NFIB: variants seen among roughly 807,000 people sequenced by gnomAD.
NFIB encodes the protein nuclear factor I B.
In NFIB, 11 loss-of-function variants were observed where a neutral mutation model predicts 61.5. The ratio of observed to expected loss-of-function variants is 0.18; its 90% CI spans 0.11 to 0.30. The LOEUF (loss-of-function observed/expected upper bound fraction) is 0.30, where lower values mean the gene tolerates loss of function less well. Among genes scored for constraint, NFIB ranks in the 10% least tolerant of loss-of-function variants. The pLI, the probability that NFIB is intolerant of heterozygous loss-of-function variation, is 1.00. For synonymous variants in NFIB, 260 were observed against 216.5 expected (o/e 1.20, Z -1.76); for missense variants, 471 against 608.9 (o/e 0.77, Z 2.38).
At chr9:14,467,298 G>A in the NFIB span, among the ~76,000 whole-genome samples, 3 of 152,186 alleles carry the variant, frequency 2.0e-5, no homozygotes, top group Non-Finnish European at 4.4e-5. Context: ...ACTGAGAGCT[G>A]TTCCTCTTCC....
intron 6 of NFIB, among the ~76,000 whole-genome samples, chr9:14,138,838 GTTTA>G (rs1030706485): frequency 6.6e-6 from 1 of 151,952 alleles, no homozygotes; most frequent in African/African-American, 2.4e-5. Context: ...CATATCTTCA[GTTTA>G]TTTTAGTTGA....
At chr9:14,186,392 C>T (rs13287487) in intron 2 of NFIB, among the ~76,000 whole-genome samples, 119,490 of 152,022 alleles carry the variant, frequency 0.79, 47,790 homozygotes, top group Non-Finnish European at 0.85. Flanking sequence ...TTTTAAGGCT[C>T]AGAACAGTCT....
the NFIB span, among the ~76,000 whole-genome samples, chr9:14,526,356 T>C: frequency 2.0e-5 from 3 of 152,202 alleles, no homozygotes; most frequent in Non-Finnish European, 4.4e-5. Flanking sequence ...GTTGAAATAA[T>C]AATAATGATC....
the NFIB span, among the ~76,000 whole-genome samples, chr9:14,404,594 G>C: frequency 1.3e-5 from 2 of 152,154 alleles, no homozygotes; most frequent in African/African-American, 4.8e-5. Context: ...AGTTACGATT[G>C]AGGGCAGAGT....
At chr9:14,187,029 G>GTA (rs1358725430) in intron 2 of NFIB, among the ~76,000 whole-genome samples, 8 of 57,496 alleles carry the variant, frequency 1.4e-4, no homozygotes, top group African/African-American at 7.1e-4. Context: ...GTGTGTGTAT[G>GTA]TGTGTGTGTG....
intron 2 of NFIB, among the ~76,000 whole-genome samples, 179 bp downstream of exon 2, chr9:14,306,810 T>C (rs1413897555): frequency 6.6e-6 from 1 of 152,176 alleles, no homozygotes; most frequent in African/African-American, 2.4e-5. Context: ...TCTGTGTCTA[T>C]TTACATGGCT....
the NFIB span, among the ~76,000 whole-genome samples, chr9:14,528,445 G>C: frequency 6.6e-6 from 1 of 152,086 alleles, no homozygotes; most frequent in Non-Finnish European, 1.5e-5. Context: ...AATAACCTTG[G>C]ATAACAGAGG....
chr9:14,090,192 G>A (rs185676279), intron 10 of NFIB, among the ~76,000 whole-genome samples: 28 of 152,126 alleles, frequency 1.8e-4, no homozygotes, highest in Non-Finnish European at 2.6e-4. Flanking sequence ...GATCTACTTA[G>A]CATTAACAAA....
intron 2 of NFIB, among the ~76,000 whole-genome samples, chr9:14,279,151 T>C (rs528885623): frequency 2.0e-5 from 3 of 152,210 alleles, no homozygotes; most frequent in East Asian, 3.9e-4. Flanking sequence ...CAGGAGTGAT[T>C]GTTAACAATG....
chr9:14,366,180 C>T (rs1358834763), intron 1 of NFIB, among the ~76,000 whole-genome samples: 1 of 152,156 alleles, frequency 6.6e-6, no homozygotes, highest in African/African-American at 2.4e-5. Context: ...CTTTAGGCCC[C>T]TGAATCTGGG....
At chr9:14,197,561 C>G (rs1406928800) in intron 2 of NFIB, among the ~76,000 whole-genome samples, 1 of 152,188 alleles carries the variant, frequency 6.6e-6, no homozygotes, top group African/African-American at 2.4e-5. Flanking sequence ...TTCCTTATTA[C>G]TATTTATAAA....
At chr9:14,127,911 A>T (rs2039882317) in intron 6 of NFIB, among the ~76,000 whole-genome samples, 1 of 148,694 alleles carries the variant, frequency 6.7e-6, no homozygotes, top group Non-Finnish European at 1.5e-5. Context: ...GAGTCAGAGA[A>T]CCATTTCTGT....
intron 1 of NFIB, among the ~76,000 whole-genome samples, chr9:14,346,108 G>T (rs943980514): frequency 1.3e-5 from 2 of 152,178 alleles, no homozygotes; most frequent in Non-Finnish European, 1.5e-5. Flanking sequence ...TAAGCCACGG[G>T]AAGGGGGGCG....
upstream of NFIB, among the ~76,000 whole-genome samples, chr9:14,316,659 T>A (rs2060548716): frequency 6.6e-6 from 1 of 152,128 alleles, no homozygotes. Context: ...TTAGGCAACC[T>A]CATCTTAGAT....
chr9:14,171,631 A>T (rs2045575621), intron 3 of NFIB, among the ~76,000 whole-genome samples: 1 of 152,150 alleles, frequency 6.6e-6, no homozygotes, highest in South Asian at 2.1e-4. Flanking sequence ...ATCATGAGCA[A>T]CTCTAACCAA....
At chr9:14,399,188 T>C (rs1211066527), upstream of NFIB, among the ~76,000 whole-genome samples, 1 of 152,238 alleles carries the variant, frequency 6.6e-6, no homozygotes, top group African/African-American at 2.4e-5. Flanking sequence ...TAATTTTACC[T>C]TTTCACTTTT....
chr9:14,295,352 G>A (rs971137986), intron 2 of NFIB, among the ~76,000 whole-genome samples: 7 of 152,152 alleles, frequency 4.6e-5, no homozygotes, highest in South Asian at 2.1e-4. Flanking sequence ...TTGGCCGGGC[G>A]CGGTGGCTCA....
intron 1 of NFIB, among the ~76,000 whole-genome samples, chr9:14,353,115 T>C (rs1350625343): frequency 6.6e-6 from 1 of 152,072 alleles, no homozygotes; most frequent in African/African-American, 2.4e-5. Flanking sequence ...GGCAGAGGTA[T>C]GGTGAAGGTG....
chr9:14,095,916 T>G (rs1259161736), intron 10 of NFIB, among the ~76,000 whole-genome samples: 1 of 152,186 alleles, frequency 6.6e-6, no homozygotes, highest in Non-Finnish European at 1.5e-5. Flanking sequence ...AATTGTAACT[T>G]TCTGCAATTT....
Sources: allele counts gnomAD v4.1 joint callset (sites outside exome capture counted in the v4.1 genomes callset), GRCh38; gene constraint gnomAD v4.1.1; transcripts MANE v1.5; gene names NCBI Gene and HGNC (gene_info 2026-07-23, HGNC 2026-07-21).